Variants in AKNAD1 observed in about 807,000 individuals in gnomAD.
The protein encoded by AKNAD1 is protein AKNAD1.
A neutral mutation model predicts 90.8 loss-of-function variants in AKNAD1; 67 were observed. That is an observed-to-expected ratio of 0.74 (90% CI 0.61 to 0.90). AKNAD1 has a LOEUF of 0.90. Among genes scored for constraint, AKNAD1 ranks in the 40% least tolerant of loss-of-function variants. The probability of loss-of-function intolerance (pLI) is 0.00; values close to 1 mark genes in which losing one functional copy is unlikely to be tolerated. For synonymous variants in AKNAD1, 327 were observed against 341.4 expected (o/e 0.96, Z 0.46); for missense variants, 957 against 975.4 (o/e 0.98, Z 0.25).
At chr1:108,821,420 C>T (rs1401760136) in intron 13 of AKNAD1, among the ~76,000 whole-genome samples, 1 of 151,990 alleles carries the variant, frequency 6.6e-6, no homozygotes, top group African/African-American at 2.4e-5. Context: ...CACTGCACTC[C>T]AGCCTGGGTG....
intron 6 of AKNAD1, 149 bp from the exon 7 acceptor site, chr1:108,837,855 C>G (rs1209830774): frequency 4.7e-6 from 4 of 859,892 alleles, no homozygotes; most frequent in African/African-American, 1.7e-5. Context: ...CATGACTGTT[C>G]ATAGTTTCTC....
chr1:108,842,308 GA>G (rs1391189925), intron 6 of AKNAD1, among the ~76,000 whole-genome samples: 6 of 152,036 alleles, frequency 3.9e-5, no homozygotes. Flanking sequence ...AAAATGCTAT[GA>G]ATAGAAAGGG....
At chr1:108,823,297 T>G in intron 13 of AKNAD1, 73 bp downstream of exon 13, 1 of 1,179,550 alleles carries the variant, frequency 8.5e-7, no homozygotes, top group Non-Finnish European at 1.3e-6. Context: ...CAGTGGCCAG[T>G]GTCATGTGAA....
intron 1 of AKNAD1, among the ~76,000 whole-genome samples, chr1:108,854,888 G>C (rs1489660852): frequency 6.6e-6 from 1 of 152,154 alleles, no homozygotes; most frequent in Non-Finnish European, 1.5e-5. Context: ...TTTAACTCTT[G>C]TGAGTCTCGG....
intron 1 of AKNAD1, among the ~76,000 whole-genome samples, chr1:108,855,692 A>G (rs1665010743): frequency 1.3e-5 from 2 of 151,898 alleles, no homozygotes; most frequent in African/African-American, 4.8e-5. Flanking sequence ...AGGCTGAGGC[A>G]GGAGAATCAC....
At chr1:108,835,627 AT>A (rs200186739) in intron 7 of AKNAD1, among the ~76,000 whole-genome samples, 1,742 of 145,092 alleles carry the variant, frequency 0.012, 24 homozygotes, top group African/African-American at 0.036. Context: ...TGTTAATTTA[AT>A]TTTTTTTTTT....
intron 5 of AKNAD1, 76 bp downstream of exon 5, chr1:108,848,676 G>T: frequency 1.5e-6 from 2 of 1,299,900 alleles, no homozygotes; most frequent in South Asian, 1.3e-5. Context: ...AGAAAACATG[G>T]CACTATAAAG....
intron 1 of AKNAD1, among the ~76,000 whole-genome samples, chr1:108,855,884 T>TA (rs201310579): frequency 0.033 from 4,975 of 149,768 alleles, 97 homozygotes; most frequent in Middle Eastern, 0.073. Flanking sequence ...GTATCTTTTT[T>TA]TTTTTTTTTT....
intron 1 of AKNAD1, among the ~76,000 whole-genome samples, chr1:108,855,881 T>TA (rs35796592): frequency 0.13 from 20,024 of 148,558 alleles, 1,444 homozygotes; most frequent in Middle Eastern, 0.15. Flanking sequence ...AGAGTATCTT[T>TA]TTTTTTTTTT....
intron 5 of AKNAD1, 100 bp downstream of exon 5, chr1:108,848,652 T>A: frequency 9.4e-7 from 1 of 1,065,230 alleles, no homozygotes; most frequent in East Asian, 2.4e-5. Flanking sequence ...ACATTTCCAC[T>A]CCCACCACTG....
chr1:108,848,393 G>A (rs973982917), intron 5 of AKNAD1, among the ~76,000 whole-genome samples: 3 of 152,124 alleles, frequency 2.0e-5, no homozygotes, highest in African/African-American at 7.2e-5. Flanking sequence ...TAATTTCCAG[G>A]TAATGGCAAT....
chr1:108,833,537 C>T (rs143747655), intron 9 of AKNAD1, among the ~76,000 whole-genome samples: 1 of 151,708 alleles, frequency 6.6e-6, no homozygotes, highest in Non-Finnish European at 1.5e-5. Context: ...GAGCTGGGAT[C>T]GCACCATTGC....
At chr1:108,821,310 G>T (rs778325712) in intron 13 of AKNAD1, among the ~76,000 whole-genome samples, 1 of 152,022 alleles carries the variant, frequency 6.6e-6, no homozygotes, top group African/African-American at 2.4e-5. Flanking sequence ...AATTAGCCGG[G>T]TGTGGTGGTG....
intron 15 of AKNAD1, 168 bp downstream of exon 15, chr1:108,816,880 A>G (rs1277213): frequency 0.51 from 358,142 of 703,604 alleles, 93,792 homozygotes; most frequent in East Asian, 0.78. Flanking sequence ...AAACCTTGCG[A>G]CTGCTGAGGC....
chr1:108,844,455 T>G (rs968419373), intron 5 of AKNAD1, among the ~76,000 whole-genome samples: 5 of 150,582 alleles, frequency 3.3e-5, no homozygotes, highest in African/African-American at 7.3e-5. Context: ...TATAGATAGA[T>G]AGAGAGAGAG....
At position 108,830,574 on chromosome 1, in the gene AKNAD1, C is replaced by CG. The variant is rs1557829251; in HGVS notation, c.1822dup (p.Arg608ProfsTer5). On this transcript the variant is annotated frameshift_variant, in exon 10 of 16. Coordinates refer to ENST00000370001, the MANE Select transcript of AKNAD1 (RefSeq NM_152763.5). LOFTEE classifies it high-confidence loss of function. ...AAGCCCTCACCATTCAAGGAGCCTGCGACAGAAGGCACAGCTCGGACTGGG... is the reference window on the plus strand; with the variant it reads ...AAGCCCTCACCATTCAAGGAGCCTGCGGACAGAAGGCACAGCTCGGACTGGG... 1 of 1,614,012 alleles carries CG rather than the reference C, an allele frequency of 6.2e-7. No homozygotes were observed. The highest frequency in any genetic ancestry group is 2.2e-5 in the East Asian group (1 of 44,878).
Position 108,856,985 on chromosome 1 carries a change from A to G in AKNAD1, c.-160T>C, listed in dbSNP as rs377333886. The G allele has an allele frequency of 6.6e-6, 1 of 152,226 alleles. No individual in the cohort carries two copies. Among genetic ancestry groups the G allele is most frequent in the Non-Finnish European group, 1.5e-5 (1 of 68,050 alleles). 9.4% of individuals were successfully genotyped at this position (152,226 alleles called of 1,614,324 possible). A position where few individuals can be genotyped will look rare whatever the true frequency, so the allele number is the denominator to read the frequency against. ...ACTGGAGGAACTGGAGCATCTTCCC[A>G]TGTCAACACTTGGCTCAATCTTGAA... is the stretch of plus-strand genomic sequence containing the variant. On this transcript the variant is annotated 5_prime_UTR_variant, in exon 1 of 16. An upstream start codon of the reference 5' UTR is lost. Coordinates refer to ENST00000370001, the MANE Select transcript of AKNAD1 (RefSeq NM_152763.5).
chr1:108,834,992 C>T lies in AKNAD1; in HGVS notation c.1601G>A (p.Gly534Glu), dbSNP rs768183545. Residue 534 changes from glycine to glutamate, a missense_variant, in exon 8 of 16, where the codon GGG (glycine) becomes GAG (glutamate). Gly to Glu is a moderately conservative substitution (Grantham distance 98, BLOSUM62 -2). Transcript: ENST00000370001. Reference protein sequence around the residue: ...PRGSGGSEVTGTPQGGPQEAP... With the variant: ...PRGSGGSEVTETPQGGPQEAP... ...CTCCTGCGGCCCTCCTTGGGGTGTC[C>T]CTGTTACCTCACTCCCACCTGAGCC... The T allele has an allele frequency of 5.1e-6, 8 of 1,566,524 alleles. No individual in the cohort carries two copies. The highest frequency in any genetic ancestry group is 4.3e-6 in the Non-Finnish European group (5 of 1,163,940).
At chr1:108,844,450 A>C (rs1664645489) in intron 5 of AKNAD1, among the ~76,000 whole-genome samples, 2 of 151,890 alleles carry the variant, frequency 1.3e-5, no homozygotes, top group Admixed American at 6.6e-5. Context: ...ATAGATATAG[A>C]TAGATAGAGA....
Sources: allele counts gnomAD v4.1 joint callset (sites outside exome capture counted in the v4.1 genomes callset), GRCh38; gene constraint gnomAD v4.1.1; transcripts MANE v1.5; gene names NCBI Gene and HGNC (gene_info 2026-07-23, HGNC 2026-07-21).